The following LMX1B variants were observed in gnomAD, a reference collection of about 807,000 sequenced individuals.
LMX1B encodes LIM homeobox transcription factor 1 beta.
Under a neutral mutation model 51.4 loss-of-function variants are expected in LMX1B, and 12 were observed. The observed-to-expected ratio is 0.23, with a 90% CI of 0.15 to 0.38. The LOEUF (loss-of-function observed/expected upper bound fraction) is 0.38. LMX1B is among the 10% of genes least tolerant of loss of function. LMX1B has a pLI of 1.00. For missense variants in LMX1B, 445 were observed against 571.1 expected (o/e 0.78, Z 2.25); for synonymous variants, 237 against 235.4 (o/e 1.01, Z -0.06).
chr9:126,632,453 A>G (rs924342367), intron 2 of LMX1B, among the ~76,000 whole-genome samples: 1 of 152,158 alleles, frequency 6.6e-6, no homozygotes, highest in African/African-American at 2.4e-5. Flanking sequence ...TGGAGGCTGC[A>G]GAGCAGGGCA....
chr9:126,634,092 A>G (rs1835674605), intron 2 of LMX1B, among the ~76,000 whole-genome samples: 2 of 152,232 alleles, frequency 1.3e-5, no homozygotes, highest in Admixed American at 1.3e-4. Flanking sequence ...CACTCATCCA[A>G]CCGGAAGGAC....
intron 2 of LMX1B, among the ~76,000 whole-genome samples, chr9:126,654,219 G>T (rs756905589): frequency 6.6e-6 from 1 of 152,180 alleles, no homozygotes; most frequent in Non-Finnish European, 1.5e-5. Flanking sequence ...CTGCCCTTGC[G>T]CAGGTTTCAG....
chr9:126,666,929 G>A (rs933817473), intron 2 of LMX1B, among the ~76,000 whole-genome samples: 4 of 152,204 alleles, frequency 2.6e-5, no homozygotes, highest in African/African-American at 9.7e-5. Context: ...ATTTCCAGAA[G>A]AGCTGGTCAG....
At chr9:126,653,218 T>A (rs1836054950) in intron 2 of LMX1B, among the ~76,000 whole-genome samples, 1 of 126,568 alleles carries the variant, frequency 7.9e-6, no homozygotes, top group Non-Finnish European at 1.6e-5. Flanking sequence ...AGTGGCACAA[T>A]CACAGCTCTC....
At chr9:126,642,632 C>T (rs1235298967) in intron 2 of LMX1B, among the ~76,000 whole-genome samples, 1 of 152,246 alleles carries the variant, frequency 6.6e-6, no homozygotes, top group Non-Finnish European at 1.5e-5. Context: ...TCCCTCACTG[C>T]ATGGGTGTTC....
intron 2 of LMX1B, among the ~76,000 whole-genome samples, chr9:126,666,074 A>C (rs539043356): frequency 6.6e-6 from 1 of 152,354 alleles, no homozygotes; most frequent in East Asian, 1.9e-4. Flanking sequence ...CCCTCAGAAC[A>C]ACCTACCAGG....
chr9:126,642,726 G>C (rs1024378905), intron 2 of LMX1B, among the ~76,000 whole-genome samples: 12 of 152,372 alleles, frequency 7.9e-5, no homozygotes, highest in African/African-American at 2.9e-4. Context: ...GGGAAGAAAT[G>C]CTTCTGTTGA....
chr9:126,689,578 G>T (rs1032262433), intron 2 of LMX1B, among the ~76,000 whole-genome samples: 1 of 152,226 alleles, frequency 6.6e-6, no homozygotes, highest in South Asian at 2.1e-4. Flanking sequence ...TTCCCACAGA[G>T]CAGGACACGT....
intron 2 of LMX1B, among the ~76,000 whole-genome samples, chr9:126,627,896 C>T (rs1014768531): frequency 2.0e-5 from 3 of 152,156 alleles, no homozygotes; most frequent in African/African-American, 7.2e-5. Flanking sequence ...TTTGAGAACC[C>T]TCTCCCAGAC....
chr9:126,680,726 A>G (rs367805743), intron 2 of LMX1B, among the ~76,000 whole-genome samples: 6 of 152,164 alleles, frequency 3.9e-5, no homozygotes, highest in Non-Finnish European at 5.9e-5. Flanking sequence ...TGAATCACCA[A>G]ATCATCAAAT....
At chr9:126,694,174 C>A (rs1232233639) in intron 6 of LMX1B, among the ~76,000 whole-genome samples, 1 of 152,170 alleles carries the variant, frequency 6.6e-6, no homozygotes, top group Non-Finnish European at 1.5e-5. Flanking sequence ...AGTCTACTCA[C>A]ACTCACTGCG....
In LMX1B at chr9:126,691,521, C is replaced by A. The variant is rs567402756; in HGVS notation, c.559+453C>A. Among the ~76,000 whole-genome samples the A allele has an allele frequency of 4.3e-4, 66 of 152,326 alleles. No individual in the cohort carries two copies. In the South Asian group the frequency reaches 0.013, roughly 31 times the overall value. On this transcript the variant is annotated intron_variant, in intron 3 of 7. Transcript: ENST00000373474. Reference sequence around the variant, plus strand: ...CACACTTGTGCACTAAACACCGGTCCACATGGCTGCACATATATGTTTGTC... The same window carrying A: ...CACACTTGTGCACTAAACACCGGTCAACATGGCTGCACATATATGTTTGTC...
chr9:126,666,201 G>A (rs1323079869), intron 2 of LMX1B, among the ~76,000 whole-genome samples: 1 of 152,258 alleles, frequency 6.6e-6, no homozygotes, highest in Non-Finnish European at 1.5e-5. Context: ...CTCCTGGGGG[G>A]CAGCCCACTG....
At position 126,691,386 on chromosome 9, in the gene LMX1B, A is replaced by C. The variant is rs911536991; in HGVS notation, c.559+318A>C. ...CTACCCTGAGTATGGATACATGTAC[A>C]TGTATGTGGAGATATGTGTTCACAT... On this transcript the variant is annotated intron_variant, in intron 3 of 7. Coordinates refer to ENST00000373474, the MANE Select transcript of LMX1B (RefSeq NM_001174147.2). 2.6e-5 allele frequency among the ~76,000 whole-genome samples: 4 copies of C among 152,188 alleles called. No homozygotes were observed. In the South Asian group the frequency reaches 6.2e-4, roughly 24 times the overall value.
intron 2 of LMX1B, among the ~76,000 whole-genome samples, chr9:126,637,621 G>T (rs1835736114): frequency 6.6e-6 from 1 of 152,092 alleles, no homozygotes; most frequent in Non-Finnish European, 1.5e-5. Context: ...TGTCACTGTG[G>T]GCCCTGCGGG....
chr9:126,669,931 G>C (rs931805294), intron 2 of LMX1B, among the ~76,000 whole-genome samples: 5 of 152,174 alleles, frequency 3.3e-5, no homozygotes, highest in East Asian at 3.9e-4. Flanking sequence ...AGAAGTGGAG[G>C]GGGTAGGAGA....
At chr9:126,693,708 G>C in intron 5 of LMX1B, 38 bp from the exon 6 acceptor site, 1 of 1,574,838 alleles carries the variant, frequency 6.3e-7, no homozygotes. Flanking sequence ...GCCTGGGGGC[G>C]AGGGGCAGCA....
At chr9:126,676,048 C>CA (rs34471786) in intron 2 of LMX1B, among the ~76,000 whole-genome samples, 7,116 of 82,242 alleles carry the variant, frequency 0.087, 276 homozygotes, top group Admixed American at 0.19. Context: ...GACTCCGTCT[C>CA]AAAAAAAAAA....
intron 2 of LMX1B, among the ~76,000 whole-genome samples, chr9:126,616,545 A>G (rs540739333): frequency 4.6e-5 from 7 of 152,322 alleles, no homozygotes; most frequent in Non-Finnish European, 7.4e-5. Context: ...GCTCTGTTGC[A>G]GACACAGCGG....
Sources: allele counts gnomAD v4.1 joint callset (sites outside exome capture counted in the v4.1 genomes callset), GRCh38; gene constraint gnomAD v4.1.1; transcripts MANE v1.5; gene names NCBI Gene and HGNC (gene_info 2026-07-23, HGNC 2026-07-21).